TSPAN18: variants seen among roughly 807,000 people sequenced by gnomAD.
TSPAN18 encodes the protein tetraspanin 18.
A neutral mutation model predicts 27.3 loss-of-function variants in TSPAN18; 14 were observed. The ratio of observed to expected loss-of-function variants is 0.51; its 90% CI spans 0.34 to 0.80. The LOEUF is 0.80. TSPAN18 is among the 30% of genes least tolerant of loss of function. The pLI is 0.01. For missense variants in TSPAN18, 268 were observed against 323.9 expected (o/e 0.83, Z 1.32); for synonymous variants, 143 against 136.5 (o/e 1.05, Z -0.33).
At chr11:44,753,243 C>G (rs1345854503) in intron 1 of TSPAN18, among the ~76,000 whole-genome samples, 1 of 152,150 alleles carries the variant, frequency 6.6e-6, no homozygotes, top group Non-Finnish European at 1.5e-5. Context: ...ATTCTCCTGC[C>G]TCAACCTCCC....
At chr11:44,819,309 T>C (rs1856878672) in intron 2 of TSPAN18, among the ~76,000 whole-genome samples, 1 of 152,154 alleles carries the variant, frequency 6.6e-6, no homozygotes, top group African/African-American at 2.4e-5. Context: ...TTATAGGGAC[T>C]GGAGTTGGGA....
chr11:44,922,362 A>G (rs547088170), intron 8 of TSPAN18, among the ~76,000 whole-genome samples: 1 of 152,022 alleles, frequency 6.6e-6, no homozygotes, highest in South Asian at 2.1e-4. Flanking sequence ...CAAATGATCC[A>G]CCCTCTTGGC....
intron 2 of TSPAN18, among the ~76,000 whole-genome samples, chr11:44,819,700 G>GT: frequency 7.1e-6 from 1 of 141,664 alleles, no homozygotes; most frequent in Non-Finnish European, 1.6e-5. Flanking sequence ...AGCTTGGAAG[G>GT]CTTTTTTTTT....
intron 2 of TSPAN18, among the ~76,000 whole-genome samples, chr11:44,851,610 T>TCCCCC (rs1302192540): frequency 1.8e-5 from 2 of 111,456 alleles, no homozygotes; most frequent in Non-Finnish European, 1.9e-5. Flanking sequence ...GGTACTCTTG[T>TCCCCC]CACCTCCCCC....
chr11:44,862,769 T>C (rs1344705060), intron 3 of TSPAN18, among the ~76,000 whole-genome samples: 1 of 152,190 alleles, frequency 6.6e-6, no homozygotes, highest in Non-Finnish European at 1.5e-5. Context: ...TGTCGGTCAG[T>C]TACTTTCCAC....
chr11:44,915,627 A>T (rs1859876441), intron 5 of TSPAN18, among the ~76,000 whole-genome samples: 1 of 152,140 alleles, frequency 6.6e-6, no homozygotes, highest in African/African-American at 2.4e-5. Context: ...TGACCTGTGG[A>T]GACAGACTCA....
At chr11:44,913,621 T>C (rs1443512575) in intron 5 of TSPAN18, among the ~76,000 whole-genome samples, 2 of 152,244 alleles carry the variant, frequency 1.3e-5, no homozygotes, top group African/African-American at 2.4e-5. Context: ...GAATTGTACA[T>C]GCAGTATGTA....
intron 2 of TSPAN18, among the ~76,000 whole-genome samples, chr11:44,775,501 C>T (rs112219006): frequency 1.8e-3 from 275 of 152,236 alleles, no homozygotes; most frequent in African/African-American, 6.2e-3. Flanking sequence ...TGGAGGTCAC[C>T]GAATCCCTAT....
intron 5 of TSPAN18, among the ~76,000 whole-genome samples, chr11:44,916,450 G>T (rs781186116): frequency 2.6e-5 from 4 of 152,172 alleles, no homozygotes; most frequent in Non-Finnish European, 4.4e-5. Context: ...GATCCTGCTC[G>T]TGGCCCACAT....
chr11:44,856,181 C>G (rs187498816), intron 2 of TSPAN18, among the ~76,000 whole-genome samples: 2 of 152,154 alleles, frequency 1.3e-5, no homozygotes, highest in Non-Finnish European at 1.5e-5. Flanking sequence ...CCGTGCCCAG[C>G]CTTCTTGCTG....
chr11:44,820,511 CTGTT>C (rs1011065941), intron 2 of TSPAN18, among the ~76,000 whole-genome samples: 13 of 152,322 alleles, frequency 8.5e-5, no homozygotes, highest in African/African-American at 2.9e-4. Context: ...GAGAGCTAGA[CTGTT>C]TGTGATTGAA....
intron 2 of TSPAN18, among the ~76,000 whole-genome samples, chr11:44,776,677 C>G (rs905172465): frequency 6.6e-6 from 1 of 152,156 alleles, no homozygotes; most frequent in Non-Finnish European, 1.5e-5. Flanking sequence ...TCTCTGCCCC[C>G]GACTCTCCGT....
At chr11:44,868,889 G>A (rs904938368) in intron 3 of TSPAN18, among the ~76,000 whole-genome samples, 2 of 152,202 alleles carry the variant, frequency 1.3e-5, no homozygotes, top group Non-Finnish European at 2.9e-5. Context: ...TCCACTGCTG[G>A]TGCTAGTTTA....
intron 3 of TSPAN18, among the ~76,000 whole-genome samples, chr11:44,880,193 G>T (rs1005186181): frequency 2.0e-5 from 3 of 152,230 alleles, no homozygotes; most frequent in Non-Finnish European, 4.4e-5. Flanking sequence ...CGCCAGGATG[G>T]CCGCTGAGTG....
At chr11:44,736,988 G>A (rs886888341) in intron 1 of TSPAN18, among the ~76,000 whole-genome samples, 2 of 152,214 alleles carry the variant, frequency 1.3e-5, no homozygotes, top group African/African-American at 4.8e-5. Flanking sequence ...AGATGTTTCT[G>A]TTTGGTTTTC....
intron 2 of TSPAN18, among the ~76,000 whole-genome samples, chr11:44,791,103 A>C (rs529579860): frequency 6.6e-6 from 1 of 152,140 alleles, no homozygotes; most frequent in South Asian, 2.1e-4. Context: ...GTCTGGTTTG[A>C]GTAGTGGCCT....
chr11:44,926,862 C>CCCCTTGGGT, intron 9 of TSPAN18, 105 bp downstream of exon 9: 1 of 1,272,746 alleles, frequency 7.9e-7, no homozygotes, highest in Non-Finnish European at 1.1e-6. Flanking sequence ...TCACCTGGGA[C>CCCCTTGGGT]CCAAGGGGCC....
At chr11:44,854,202 G>GA (rs1183412128) in intron 2 of TSPAN18, among the ~76,000 whole-genome samples, 6 of 121,090 alleles carry the variant, frequency 5.0e-5, no homozygotes. Flanking sequence ...GCAGGGGGTG[G>GA]GGGGGGGGGT....
intron 2 of TSPAN18, among the ~76,000 whole-genome samples, chr11:44,797,898 C>G (rs1410120812): frequency 3.3e-5 from 5 of 152,294 alleles, no homozygotes; most frequent in Non-Finnish European, 7.3e-5. Context: ...AGTTTAGGAA[C>G]GAGTGTGTAC....
Sources: allele counts gnomAD v4.1 joint callset (sites outside exome capture counted in the v4.1 genomes callset), GRCh38; gene constraint gnomAD v4.1.1; transcripts MANE v1.5; gene names NCBI Gene and HGNC (gene_info 2026-07-23, HGNC 2026-07-21).